The following NCAM2 variants were observed in gnomAD, a reference collection of about 807,000 sequenced individuals.
NCAM2 encodes N-CAM-2.
A neutral mutation model predicts 98.1 loss-of-function variants in NCAM2; 30 were observed. That is an observed-to-expected ratio of 0.31 (90% CI 0.23 to 0.41). The LOEUF is 0.41. Ranked by LOEUF, NCAM2 falls within the 10% of genes least tolerant of loss-of-function variation. NCAM2 has a pLI of 1.00. For missense variants in NCAM2, 867 were observed against 1,005.8 expected, an observed-to-expected ratio of 0.86 and a Z score of 1.87; for synonymous variants, 368 against 342.4, an observed-to-expected ratio of 1.07 and a Z score of -0.83.
rs141499528 is a variant in NCAM2, at chr21:21,537,918, C to T, written c.2475C>T (p.Asn825=). 26 of 1,578,364 alleles carry T rather than the reference C, an allele frequency of 1.6e-5. No individual in the cohort carries two copies. Among genetic ancestry groups the T allele is most frequent in the South Asian group, 8.2e-5 (7 of 85,536 alleles). Residue 825 remains asparagine, a synonymous_variant, in exon 18 of 18, where the codon AAC becomes AAT. Coordinates refer to ENST00000400546, the MANE Select transcript of NCAM2 (RefSeq NM_004540.5). The part of the protein sequence containing the change: ...NPETIEIKVS[N]DIIQSKEDDS... Reference sequence around the variant, plus strand: ...AAACTATAGAAATTAAAGTTTCTAACGACATCATTCAATCAAAAGAAGACG... The same window carrying T: ...AAACTATAGAAATTAAAGTTTCTAATGACATCATTCAATCAAAAGAAGACG...
intron 1 of NCAM2, among the ~76,000 whole-genome samples, chr21:21,058,436 A>T (rs2065256355): frequency 6.6e-6 from 1 of 152,138 alleles, no homozygotes; most frequent in African/African-American, 2.4e-5. Context: ...TTATTTTGTG[A>T]ATATGCATTA....
chr21:21,439,950 T>G (rs1195636385), intron 12 of NCAM2, among the ~76,000 whole-genome samples: 1 of 152,190 alleles, frequency 6.6e-6, no homozygotes, highest in Non-Finnish European at 1.5e-5. Flanking sequence ...CTAATGAAAC[T>G]TCCCAAATCT....
At chr21:21,365,903 C>T (rs1200500618) in intron 8 of NCAM2, among the ~76,000 whole-genome samples, 1 of 151,914 alleles carries the variant, frequency 6.6e-6, no homozygotes, top group Non-Finnish European at 1.5e-5. Flanking sequence ...GGAGTAGGTA[C>T]CCAGTAGTGG....
intron 11 of NCAM2, among the ~76,000 whole-genome samples, chr21:21,424,028 G>C (rs1244934374): frequency 1.3e-5 from 2 of 152,086 alleles, no homozygotes; most frequent in African/African-American, 4.8e-5. Context: ...GTTAAAATTA[G>C]TTCATTTGGT....
intron 13 of NCAM2, among the ~76,000 whole-genome samples, chr21:21,467,082 C>G (rs1983777162): frequency 6.6e-6 from 1 of 151,710 alleles, no homozygotes; most frequent in South Asian, 2.1e-4. Flanking sequence ...ATATTTTGTT[C>G]TTTTTGGAGG....
At chr21:21,472,244 G>A (rs551041116) in intron 14 of NCAM2, among the ~76,000 whole-genome samples, 2 of 152,046 alleles carry the variant, frequency 1.3e-5, no homozygotes, top group South Asian at 2.1e-4. Context: ...GTACTATAGG[G>A]ACTAGCATTT....
chr21:21,334,677 A>G (rs548287769), intron 6 of NCAM2, among the ~76,000 whole-genome samples: 18 of 152,192 alleles, frequency 1.2e-4, no homozygotes, highest in African/African-American at 4.1e-4. Flanking sequence ...TGAAAGGAGA[A>G]TACACAATAT....
At chr21:21,284,123 T>C in intron 2 of NCAM2, 71 bp from the exon 3 acceptor site, 2 of 1,166,292 alleles carry the variant, frequency 1.7e-6, no homozygotes, top group Non-Finnish European at 2.5e-6. Flanking sequence ...TATTACATAA[T>C]AGTAAATGCC....
intron 10 of NCAM2, among the ~76,000 whole-genome samples, chr21:21,414,588 C>A (rs1406058901): frequency 6.6e-6 from 1 of 151,536 alleles, no homozygotes; most frequent in Non-Finnish European, 1.5e-5. Context: ...TCCTGCCTCA[C>A]CCTCCCGAGT....
chr21:21,425,225 C>T (rs2077191219), intron 11 of NCAM2, among the ~76,000 whole-genome samples: 3 of 151,370 alleles, frequency 2.0e-5, no homozygotes, highest in Admixed American at 2.0e-4. Context: ...AACTAACCTG[C>T]ACGTTGTGTA....
chr21:21,164,240 G>C (rs968350553), intron 1 of NCAM2, among the ~76,000 whole-genome samples: 2 of 152,096 alleles, frequency 1.3e-5, no homozygotes, highest in Non-Finnish European at 2.9e-5. Context: ...TGCTATGATG[G>C]AATTTTCTGT....
chr21:21,135,157 A>T (rs1023028443), intron 1 of NCAM2, among the ~76,000 whole-genome samples: 1 of 149,754 alleles, frequency 6.7e-6, no homozygotes, highest in Non-Finnish European at 1.5e-5. Flanking sequence ...GAGGCAGGAG[A>T]ATGGTGTGAA....
chr21:21,303,946 G>C (rs10084617), intron 5 of NCAM2, among the ~76,000 whole-genome samples: 125,499 of 152,120 alleles, frequency 0.82, 52,012 homozygotes, highest in East Asian at 0.99. Flanking sequence ...AATATTTAAC[G>C]TAGTTTTAAC....
intron 1 of NCAM2, among the ~76,000 whole-genome samples, chr21:21,190,061 T>C (rs1192208366): frequency 6.6e-6 from 1 of 152,170 alleles, no homozygotes; most frequent in East Asian, 1.9e-4. Flanking sequence ...GAAGAATGCA[T>C]ATGTGTTTAC....
chr21:21,419,116 A>G (rs1440923509), intron 11 of NCAM2, among the ~76,000 whole-genome samples: 2 of 152,144 alleles, frequency 1.3e-5, no homozygotes, highest in East Asian at 3.9e-4. Flanking sequence ...CAAAGAATAT[A>G]TTTTACATTT....
chr21:21,282,574 C>T (rs1329579273), intron 2 of NCAM2, among the ~76,000 whole-genome samples: 1 of 151,588 alleles, frequency 6.6e-6, no homozygotes, highest in East Asian at 1.9e-4. Flanking sequence ...TTTTCTACTA[C>T]AATGCTGACA....
At chr21:21,106,303 TGTCTC>T in intron 1 of NCAM2, among the ~76,000 whole-genome samples, 1 of 52,206 alleles carries the variant, frequency 1.9e-5, no homozygotes. Flanking sequence ...ATGAGAGACA[TGTCTC>T]AAAAGCAAAA....
chr21:21,166,824 A>G (rs2067966736), intron 1 of NCAM2, among the ~76,000 whole-genome samples: 2 of 152,176 alleles, frequency 1.3e-5, no homozygotes, highest in African/African-American at 4.8e-5. Flanking sequence ...TCTTCCTGCT[A>G]CATGGATTCC....
At chr21:21,024,939 T>A (rs2064512845) in intron 1 of NCAM2, among the ~76,000 whole-genome samples, 1 of 152,304 alleles carries the variant, frequency 6.6e-6, no homozygotes, top group African/African-American at 2.4e-5. Flanking sequence ...TGTTTTGTTT[T>A]GTTTTCATTA....
Sources: gnomAD v4.1 joint callset for allele counts (sites outside exome capture counted in the v4.1 genomes callset) on GRCh38, gnomAD v4.1.1 for gene constraint, MANE v1.5 for transcripts, NCBI Gene and HGNC (gene_info 2026-07-23, HGNC 2026-07-21) for gene names.